The following NRG3 variants were observed in gnomAD, a reference collection of about 807,000 sequenced individuals.
NRG3 encodes pro-neuregulin-3, membrane-bound isoform.
Under a neutral mutation model 66.9 loss-of-function variants are expected in NRG3, and 31 were observed. That is an observed-to-expected ratio of 0.46 (90% CI 0.35 to 0.63). The LOEUF (loss-of-function observed/expected upper bound fraction) is 0.63. Ranked by LOEUF, NRG3 falls within the 20% of genes least tolerant of loss-of-function variation. NRG3 has a pLI of 0.00. For missense variants in NRG3, 910 were observed against 878.9 expected, an observed-to-expected ratio of 1.04 and a Z score of -0.45; for synonymous variants, 393 against 359.4, an observed-to-expected ratio of 1.09 and a Z score of -1.06.
chr10:82,572,363 A>C (rs549409359), intron 2 of NRG3, among the ~76,000 whole-genome samples: 93 of 151,752 alleles, frequency 6.1e-4, no homozygotes, highest in African/African-American at 2.2e-3. Flanking sequence ...AAAAAAAATC[A>C]TTATTCTACA....
chr10:82,430,980 C>A (rs1472548600), intron 2 of NRG3, among the ~76,000 whole-genome samples: 1 of 152,140 alleles, frequency 6.6e-6, no homozygotes, highest in Non-Finnish European at 1.5e-5. Context: ...GGTATGCACA[C>A]AGACTTTTAA....
intron 2 of NRG3, among the ~76,000 whole-genome samples, chr10:82,502,353 C>A (rs1229941029): frequency 2.0e-5 from 3 of 152,096 alleles, no homozygotes; most frequent in Non-Finnish European, 2.9e-5. Flanking sequence ...ATAAAAAAAT[C>A]AGTTTAGCAG....
At chr10:82,574,302 A>G (rs1479039115) in intron 2 of NRG3, among the ~76,000 whole-genome samples, 1 of 151,738 alleles carries the variant, frequency 6.6e-6, no homozygotes, top group Non-Finnish European at 1.5e-5. Context: ...GACAAATACC[A>G]CATGCTCTCT....
At chr10:82,184,746 T>C (rs2073688308) in intron 1 of NRG3, among the ~76,000 whole-genome samples, 1 of 152,076 alleles carries the variant, frequency 6.6e-6, no homozygotes, top group South Asian at 2.1e-4. Context: ...TAAGCTGATA[T>C]CTTACTGGTT....
At chr10:82,356,450 T>C (rs1197124735) in intron 1 of NRG3, among the ~76,000 whole-genome samples, 1 of 152,206 alleles carries the variant, frequency 6.6e-6, no homozygotes, top group Non-Finnish European at 1.5e-5. Context: ...ATATTGAATT[T>C]TTTGCTCAGA....
intron 1 of NRG3, among the ~76,000 whole-genome samples, chr10:82,128,748 T>TA (rs1554830355): frequency 2.2e-5 from 2 of 91,072 alleles, no homozygotes; most frequent in Non-Finnish European, 6.0e-5. Flanking sequence ...TTTAAATTTC[T>TA]GGGGTTTTTT....
At chr10:82,244,408 G>C (rs746969608) in intron 1 of NRG3, among the ~76,000 whole-genome samples, 1 of 152,190 alleles carries the variant, frequency 6.6e-6, no homozygotes, top group African/African-American at 2.4e-5. Flanking sequence ...CATTGAATTA[G>C]ATGTCTGGAG....
At chr10:82,439,752 A>T (rs949362569) in intron 2 of NRG3, among the ~76,000 whole-genome samples, 1 of 151,958 alleles carries the variant, frequency 6.6e-6, no homozygotes, top group Non-Finnish European at 1.5e-5. Context: ...GAATAAAATT[A>T]ATTTGGTCAT....
At chr10:82,404,849 A>T (rs1329179574) in intron 2 of NRG3, among the ~76,000 whole-genome samples, 1 of 152,094 alleles carries the variant, frequency 6.6e-6, no homozygotes, top group East Asian at 1.9e-4. Context: ...GCACCTTGAG[A>T]TTATGACATA....
chr10:82,135,816 C>T (rs1167692163), intron 1 of NRG3, among the ~76,000 whole-genome samples: 2 of 152,164 alleles, frequency 1.3e-5, no homozygotes, highest in African/African-American at 4.8e-5. Flanking sequence ...TCACATATCT[C>T]TGTCACTCTG....
chr10:82,746,261 C>A (rs2058640788), intron 3 of NRG3, among the ~76,000 whole-genome samples: 1 of 152,148 alleles, frequency 6.6e-6, no homozygotes, highest in South Asian at 2.1e-4. Context: ...CCTGCCCTTG[C>A]CTCTCTCAGC....
At chr10:82,220,933 A>G (rs180845627) in intron 1 of NRG3, among the ~76,000 whole-genome samples, 6 of 152,180 alleles carry the variant, frequency 3.9e-5, no homozygotes, top group South Asian at 2.1e-4. Context: ...GCAGTGAGCT[A>G]TGATCATACC....
chr10:82,908,065 TCAATAGC>T (rs1235217078), intron 4 of NRG3, among the ~76,000 whole-genome samples: 1 of 152,224 alleles, frequency 6.6e-6, no homozygotes, highest in Non-Finnish European at 1.5e-5. Context: ...GAGTAGCTTC[TCAATAGC>T]CATTACTTTT....
chr10:82,358,062 A>T (rs1043304807), intron 1 of NRG3, among the ~76,000 whole-genome samples: 4 of 152,202 alleles, frequency 2.6e-5, no homozygotes, highest in Non-Finnish European at 4.4e-5. Context: ...GCAGATATTG[A>T]TGTATAACTT....
chr10:82,313,009 T>A (rs1235392348), intron 1 of NRG3, among the ~76,000 whole-genome samples: 1 of 152,142 alleles, frequency 6.6e-6, no homozygotes, highest in Non-Finnish European at 1.5e-5. Context: ...AAACCCCTTC[T>A]CTACCAAAAA....
rs577084788 is a variant in NRG3 at position 82,815,957 on chromosome 10, G to C, written c.1028-49454G>C. Among the ~76,000 whole-genome samples, 5 of 152,316 alleles carry C rather than the reference G, an allele frequency of 3.3e-5. No individual in the cohort carries two copies. The South Asian group carries it at 1.0e-3, about 32-fold the overall frequency. The stretch of plus-strand genomic sequence containing the variant: ...ACACGTTTTGGCTCTGTGTGAAGCT[G>C]TGGCTGGACCACATGTGGTACATGT... On this transcript the variant is annotated intron_variant, in intron 3 of 8. Transcript: ENST00000372141.
At chr10:81,900,280 GCGGGA>G (rs1165393659) in intron 1 of NRG3, among the ~76,000 whole-genome samples, 2 of 130,472 alleles carry the variant, frequency 1.5e-5, no homozygotes, top group Non-Finnish European at 3.0e-5. Context: ...TAAGTGCCTA[GCGGGA>G]TTACAGGCAT....
At chr10:82,815,153 A>T (rs1234973281) in intron 3 of NRG3, among the ~76,000 whole-genome samples, 1 of 152,130 alleles carries the variant, frequency 6.6e-6, no homozygotes, top group African/African-American at 2.4e-5. Context: ...CTAGGAAATA[A>T]TTTTTTAAAA....
chr10:82,971,219 C>T (rs1410965832), intron 6 of NRG3, among the ~76,000 whole-genome samples: 1 of 152,128 alleles, frequency 6.6e-6, no homozygotes, highest in Non-Finnish European at 1.5e-5. Flanking sequence ...CACCAGGCCT[C>T]ATCTCCAAAA....
Sources: gnomAD v4.1 joint callset for allele counts (sites outside exome capture counted in the v4.1 genomes callset) on GRCh38, gnomAD v4.1.1 for gene constraint, MANE v1.5 for transcripts, NCBI Gene and HGNC (gene_info 2026-07-23, HGNC 2026-07-21) for gene names.